SNTG1: variants seen among roughly 807,000 people sequenced by gnomAD.
The protein encoded by SNTG1 is syntrophin gamma 1, also known as gamma-1-syntrophin.
SNTG1 carries 39 observed loss-of-function variants against 74.7 expected under a neutral mutation model. The observed-to-expected ratio is 0.52, with a 90% CI of 0.40 to 0.68. The LOEUF is 0.68. Ranked by LOEUF, SNTG1 falls within the 30% of genes least tolerant of loss-of-function variation. The pLI is 0.00. For missense variants in SNTG1, 685 were observed against 609.5 expected (o/e 1.12, Z -1.30); for synonymous variants, 254 against 217.1 (o/e 1.17, Z -1.49).
rs187929567 is a variant in SNTG1 at position 50,209,013 on chromosome 8, A to G, written c.-28+36378A>G. 1.6e-3 allele frequency among the ~76,000 whole-genome samples: 246 copies of G among 152,260 alleles called. 2 individuals carry two copies. The highest frequency in any genetic ancestry group is 9.0e-4 in the Non-Finnish European group (61 of 68,012). ...GAAGCTGTGACAGATGGTGCCTGGAAAATCGGTACATTCCCACCACTTTTC... is the reference window on the plus strand; with the variant it reads ...GAAGCTGTGACAGATGGTGCCTGGAGAATCGGTACATTCCCACCACTTTTC... On this transcript the variant is annotated intron_variant, in intron 2 of 18. Transcript: ENST00000642720.
intron 2 of SNTG1, among the ~76,000 whole-genome samples, chr8:50,372,194 T>C (rs1237483707): frequency 6.6e-6 from 1 of 151,782 alleles, no homozygotes; most frequent in Non-Finnish European, 1.5e-5. Flanking sequence ...GCTGCTTTCA[T>C]TTGTGTTTCA....
At chr8:50,614,179 A>G (rs1261442005) in intron 13 of SNTG1, among the ~76,000 whole-genome samples, 1 of 152,164 alleles carries the variant, frequency 6.6e-6, no homozygotes, top group Non-Finnish European at 1.5e-5. Flanking sequence ...ATTACATACA[A>G]TTTATTACAA....
intron 1 of SNTG1, among the ~76,000 whole-genome samples, chr8:50,085,914 T>C (rs1257940948): frequency 1.3e-5 from 2 of 152,150 alleles, no homozygotes; most frequent in Non-Finnish European, 2.9e-5. Context: ...TTGTCAATGG[T>C]ATCTTTTATA....
intron 1 of SNTG1, among the ~76,000 whole-genome samples, chr8:50,035,216 C>A (rs1009638587): frequency 6.6e-6 from 1 of 152,180 alleles, no homozygotes; most frequent in South Asian, 2.1e-4. Context: ...TCCTGGGTGT[C>A]TCTCTTAGAG....
intron 2 of SNTG1, among the ~76,000 whole-genome samples, chr8:50,265,865 T>C (rs1049456531): frequency 4.6e-5 from 7 of 151,950 alleles, no homozygotes; most frequent in African/African-American, 9.7e-5. Context: ...TGAAATACTT[T>C]GGAATAAATT....
chr8:50,705,820 C>A (rs182511282), intron 16 of SNTG1, among the ~76,000 whole-genome samples: 1 of 152,256 alleles, frequency 6.6e-6, no homozygotes, highest in Non-Finnish European at 1.5e-5. Flanking sequence ...AACAAAACAG[C>A]CTCCCAAAGT....
chr8:50,155,945 G>A (rs2082240247), intron 1 of SNTG1, among the ~76,000 whole-genome samples: 1 of 151,030 alleles, frequency 6.6e-6, no homozygotes, highest in South Asian at 2.1e-4. Context: ...GCAACACCAT[G>A]AATACTACAT....
At chr8:50,467,892 C>T (rs186050178) in intron 8 of SNTG1, among the ~76,000 whole-genome samples, 13 of 151,994 alleles carry the variant, frequency 8.6e-5, no homozygotes, top group Non-Finnish European at 1.6e-4. Flanking sequence ...TAATGACTCA[C>T]ATGCTATATA....
intron 9 of SNTG1, among the ~76,000 whole-genome samples, chr8:50,509,636 T>G (rs74466463): frequency 2.0e-5 from 3 of 151,774 alleles, no homozygotes; most frequent in African/African-American, 7.3e-5. Flanking sequence ...CTTCACATCC[T>G]TTCTAAGTTG....
intron 2 of SNTG1, among the ~76,000 whole-genome samples, chr8:50,285,123 G>T (rs1289707765): frequency 6.6e-6 from 1 of 151,946 alleles, no homozygotes; most frequent in Non-Finnish European, 1.5e-5. Flanking sequence ...GGCACCCTTG[G>T]TCTATGCAAT....
intron 15 of SNTG1, among the ~76,000 whole-genome samples, chr8:50,690,341 G>C (rs2095372254): frequency 6.6e-6 from 1 of 152,050 alleles, no homozygotes; most frequent in South Asian, 2.1e-4. Flanking sequence ...TGTGATGTTA[G>C]GGTGTCAATT....
intron 2 of SNTG1, among the ~76,000 whole-genome samples, chr8:50,183,976 G>A (rs2083296575): frequency 6.6e-6 from 1 of 152,040 alleles, no homozygotes; most frequent in African/African-American, 2.4e-5. Context: ...TTCTTACTAT[G>A]AAGGAAATGT....
At position 50,740,732 on chromosome 8, in the gene SNTG1, G is replaced by A. The variant is rs145672563; in HGVS notation, c.1285-11269G>A. ...CTGTTCACAATAACAAAGACATGGA[G>A]TCAATCTAAATGCCCATCAGTGGTA... On this transcript the variant is annotated intron_variant, in intron 17 of 18. Coordinates refer to ENST00000642720, the MANE Select transcript of SNTG1 (RefSeq NM_018967.5). Among the ~76,000 whole-genome samples the A allele has an allele frequency of 2.6e-3, 399 of 152,016 alleles. 1 individual carries two copies. Among genetic ancestry groups the A allele is most frequent in the Non-Finnish European group, 4.6e-3 (312 of 67,940 alleles).
At chr8:50,118,801 A>T (rs1474019959) in intron 1 of SNTG1, among the ~76,000 whole-genome samples, 1 of 142,768 alleles carries the variant, frequency 7.0e-6, no homozygotes, top group Admixed American at 7.2e-5. Context: ...CTAAAGAATT[A>T]TATATAGATT....
At chr8:50,423,412 C>A (rs73581335) in intron 4 of SNTG1, among the ~76,000 whole-genome samples, 10,279 of 152,276 alleles carry the variant, frequency 0.068, 402 homozygotes, top group Middle Eastern at 0.15. Flanking sequence ...ATTTAAGTTT[C>A]ATTGACTTTT....
intron 1 of SNTG1, among the ~76,000 whole-genome samples, chr8:50,082,505 C>T (rs933304351): frequency 6.6e-5 from 10 of 151,972 alleles, no homozygotes; most frequent in African/African-American, 2.4e-4. Flanking sequence ...CCTATTTTTT[C>T]TTCTTGTTTT....
intron 2 of SNTG1, among the ~76,000 whole-genome samples, chr8:50,266,658 G>A (rs1331305071): frequency 7.6e-5 from 8 of 105,814 alleles, no homozygotes; most frequent in Non-Finnish European, 1.6e-4. Context: ...GTGTGTGTGT[G>A]TGTGTGTGTG....
At position 50,570,743 on chromosome 8, in the gene SNTG1, T is replaced by G. The variant is rs190140713; in HGVS notation, c.810+17564T>G. On this transcript the variant is annotated intron_variant, in intron 12 of 18. Coordinates refer to ENST00000642720, the MANE Select transcript of SNTG1 (RefSeq NM_018967.5). ...CCTCAGGCTCCCAAATAGCTGGGAC[T>G]GTGGGCATGCACCACCGTGCCTGTA... 4.0e-3 allele frequency among the ~76,000 whole-genome samples: 614 copies of G among 151,818 alleles called. 4 individuals carry two copies. The highest frequency in any genetic ancestry group is 0.014 in the African/African-American group (571 of 41,432).
chr8:50,550,043 CAACTAAGTG>C (rs1563560392), intron 11 of SNTG1, among the ~76,000 whole-genome samples: 1 of 152,168 alleles, frequency 6.6e-6, no homozygotes, highest in Non-Finnish European at 1.5e-5. Context: ...AATTGAGGCA[CAACTAAGTG>C]AACTAAGTTG....
Sources: gnomAD v4.1 joint callset for allele counts (sites outside exome capture counted in the v4.1 genomes callset) on GRCh38, gnomAD v4.1.1 for gene constraint, MANE v1.5 for transcripts, NCBI Gene and HGNC (gene_info 2026-07-23, HGNC 2026-07-21) for gene names.